Variants in DCLRE1A observed in about 807,000 individuals in gnomAD.
DCLRE1A encodes DNA cross-link repair 1A.
Under a neutral mutation model 91.9 loss-of-function variants are expected in DCLRE1A, and 64 were observed. The ratio of observed to expected loss-of-function variants is 0.70; its 90% confidence interval spans 0.57 to 0.86. DCLRE1A has a LOEUF of 0.86. DCLRE1A is among the 40% of genes least tolerant of loss of function. The pLI is 0.00. For missense variants in DCLRE1A, 1,145 were observed against 1,213.3 expected (o/e 0.94, Z 0.84); for synonymous variants, 416 against 431.1 (o/e 0.96, Z 0.43).
chr10:113,842,540 C>A, intron 5 of DCLRE1A, 52 bp from the exon 6 acceptor site: 1 of 1,538,574 alleles, frequency 6.5e-7, no homozygotes. Context: ...AAAGCCATCA[C>A]CTTAAGCTGG....
chr10:113,852,975 C>A lies in DCLRE1A; in HGVS notation c.208G>T (p.Ala70Ser). The change falls in exon 1 of 9, where the codon GCA becomes TCA. Residue 70 changes from alanine to serine, a missense_variant. Ala to Ser is a moderately conservative substitution (Grantham distance 99). Coordinates refer to ENST00000361384, the MANE Select transcript of DCLRE1A (RefSeq NM_014881.5). ...VKDHEVPLGNAGCQTSVASSQ... is the reference protein window; with the variant it reads ...VKDHEVPLGNSGCQTSVASSQ... ...GAAGCAACAGAAGTCTGACAACCTG[C>A]ATTTCCAAGGGGCACTTCATGGTCC... is the stretch of plus-strand genomic sequence containing the variant. 6.2e-7 allele frequency: 1 copy of A among 1,614,218 alleles called. No homozygotes were observed. The highest frequency in any genetic ancestry group is 2.2e-5 in the East Asian group (1 of 44,884).
Position 113,849,427 on chromosome 10 carries a change from C to A in DCLRE1A, c.1678G>T (p.Gly560Cys). 6.2e-7 allele frequency: 1 copy of A among 1,614,096 alleles called. No homozygotes were observed. Among genetic ancestry groups the A allele is most frequent in the African/African-American group, 1.3e-5 (1 of 75,046 alleles). Residue 560 changes from glycine (G) to cysteine (C), a missense_variant, in exon 2 of 9, where the codon GGT (glycine) becomes TGT (cysteine). Physicochemically the swap from Gly to Cys is radical, Grantham distance 159 (BLOSUM62 -3). Transcript: ENST00000361384. The stretch of plus-strand genomic sequence containing the variant: ...TTGGGAGGTAGTCCAAAATACACAC[C>A]TATATCCATTTGCTTCATTACCTTG... ...STKVMKQMDIGVYFGLPPKRK... is the reference protein window; with the variant it reads ...STKVMKQMDICVYFGLPPKRK...
At position 113,853,006 on chromosome 10, in the gene DCLRE1A, C is replaced by G. The variant is rs17228665; in HGVS notation, c.177G>C (p.Glu59Asp). 5.5e-4 allele frequency: 892 copies of G among 1,614,062 alleles called. 1 individual carries two copies. In the African/African-American group the frequency reaches 7.8e-3, roughly 14 times the overall value. The change falls in exon 1 of 9, where the codon GAG becomes GAC. Residue 59 changes from glutamate (E) to aspartate (D), a missense_variant. Physicochemically the swap from Glu to Asp is conservative, Grantham distance 45. Coordinates refer to ENST00000361384, the MANE Select transcript of DCLRE1A (RefSeq NM_014881.5). ...RNRKRAAEAKEVKDHEVPLGN... is the reference protein window; with the variant it reads ...RNRKRAAEAKDVKDHEVPLGN... ...CAAGGGGCACTTCATGGTCCTTCACCTCTTTAGCTTCTGCGGCTCTTTTTC... is the reference window on the plus strand; with the variant it reads ...CAAGGGGCACTTCATGGTCCTTCACGTCTTTAGCTTCTGCGGCTCTTTTTC...
In DCLRE1A at chr10:113,841,434, A is replaced by G. The variant is rs763485529; in HGVS notation, c.2792T>C (p.Leu931Pro). 1 of 1,613,308 alleles carries G rather than the reference A, an allele frequency of 6.2e-7. No individual in the cohort carries two copies. The highest frequency in any genetic ancestry group is 1.1e-5 in the South Asian group (1 of 90,876). Residue 931 changes from leucine to proline, a missense_variant, in exon 7 of 9, where the codon CTT becomes CCT. Physicochemically the swap from Leu to Pro is moderately conservative, Grantham distance 98. Transcript: ENST00000361384. Reference sequence around the variant, plus strand: ...AAAATTAATTTGCATCATTGGGAGAAGGTGAACCAATGAACTGCACATGTC... The same window carrying G: ...AAAATTAATTTGCATCATTGGGAGAGGGTGAACCAATGAACTGCACATGTC... ...TTDMCSSLVH[L>P]LPMMQINFKG...
intron 6 of DCLRE1A, among the ~76,000 whole-genome samples, chr10:113,841,800 A>C (rs903928923): frequency 5.3e-5 from 8 of 152,200 alleles, no homozygotes; most frequent in African/African-American, 1.9e-4. Flanking sequence ...AAAACTGCAA[A>C]AGTGTATAGA....
intron 5 of DCLRE1A, 88 bp from the exon 6 acceptor site, chr10:113,842,576 G>C (rs980658590): frequency 1.2e-5 from 15 of 1,287,702 alleles, no homozygotes; most frequent in Non-Finnish European, 1.6e-5. Flanking sequence ...ACAAGCGTTA[G>C]CAACTTACAT....
Position 113,850,471 on chromosome 10 carries a change from T to C in DCLRE1A, c.634A>G (p.Arg212Gly). 5 of 1,614,198 alleles carry C rather than the reference T, an allele frequency of 3.1e-6. No individual in the cohort carries two copies. Among genetic ancestry groups the C allele is most frequent in the Middle Eastern group, 3.3e-4 (2 of 6,062 alleles). The change falls in exon 2 of 9, where the codon AGA becomes GGA. Residue 212 changes from arginine to glycine, a missense_variant. Transcript: ENST00000361384. ...GTTTGGTTCTGATACGAAGACCATC[T>C]TTCCTCAAGGCTACAAAGGACGCCT... is the stretch of plus-strand genomic sequence containing the variant. ...KSGVLCSLEE[R>G]WSSYQNQTDN...
chr10:113,843,069 G>C (rs958978642), intron 5 of DCLRE1A, among the ~76,000 whole-genome samples: 1 of 134,366 alleles, frequency 7.4e-6, no homozygotes, highest in East Asian at 2.2e-4. Flanking sequence ...CACACACACA[G>C]ATACATGCAA....
chr10:113,849,522 C>G lies in DCLRE1A; in HGVS notation c.1583G>C (p.Ser528Thr). The G allele has an allele frequency of 6.2e-7, 1 of 1,613,764 alleles. No individual in the cohort carries two copies. The highest frequency in any genetic ancestry group is 2.2e-5 in the East Asian group (1 of 44,878). ...TTTCAAATACTTCGGAGCAGGTGTA[C>G]TAGACAAGTTTTCTGTATTTAAAAT... is the stretch of plus-strand genomic sequence containing the variant. ...ATILNTENLS[S>T]TPAPKYLKIL... is the part of the protein sequence containing the mutation. The change falls in exon 2 of 9, where the codon AGT becomes ACT. Residue 528 changes from serine (S) to threonine (T), a missense_variant. Coordinates refer to ENST00000361384, the MANE Select transcript of DCLRE1A (RefSeq NM_014881.5).
chr10:113,850,528 CA>C lies in DCLRE1A; in HGVS notation c.576del (p.Ala193ArgfsTer38). ...GTCTCACTGAAACTGCCACCTGACGCAGGTGATGGGCTGCTAAAAGGATGAT... is the reference window on the plus strand; with the variant it reads ...GTCTCACTGAAACTGCCACCTGACGCGGTGATGGGCTGCTAAAAGGATGAT... ...AGDHPFSSPS[P>X]ASGGSFSETK... On this transcript the variant is annotated frameshift_variant, in exon 2 of 9. Transcript: ENST00000361384. LOFTEE classifies it high-confidence loss of function. The C allele has an allele frequency of 6.2e-7, 1 of 1,614,102 alleles. No individual in the cohort carries two copies. The highest frequency in any genetic ancestry group is 8.5e-7 in the Non-Finnish European group (1 of 1,180,006).
At chr10:113,848,563 T>C (rs1845580340) in intron 2 of DCLRE1A, among the ~76,000 whole-genome samples, 2 of 152,230 alleles carry the variant, frequency 1.3e-5, no homozygotes, top group South Asian at 4.1e-4. Flanking sequence ...TACTATGATA[T>C]GTAAAACCTG....
Position 113,848,216 on chromosome 10 carries a change from C to T in DCLRE1A, c.2125+764G>A, listed in dbSNP as rs376182756. Among the ~76,000 whole-genome samples the T allele has an allele frequency of 1.4e-4, 22 of 151,850 alleles. No individual in the cohort carries two copies. The East Asian group carries it at 4.1e-3, about 28-fold the overall frequency. On this transcript the variant is annotated intron_variant, in intron 2 of 8. Transcript: ENST00000361384. ...CCTGTAGTCCCAGCTACTTGGGAGG[C>T]TGAGGCAGGAGAATGGCATGAACTC...
In DCLRE1A at chr10:113,852,952, A is replaced by G; in HGVS notation, c.231T>C (p.Ala77=). 6.2e-7 allele frequency: 1 copy of G among 1,614,218 alleles called. No homozygotes were observed. Among genetic ancestry groups the G allele is most frequent in the Admixed American group, 1.7e-5 (1 of 60,026 alleles). ...LGNAGCQTSV[A]SSQNSSCGDG... is the part of the protein sequence containing the mutation. ...CTCCACAACTTGAATTCTGACTAGA[A>G]GCAACAGAAGTCTGACAACCTGCAT... Residue 77 remains alanine, a synonymous_variant, in exon 1 of 9, where the codon GCT becomes GCC. Coordinates refer to ENST00000361384, the MANE Select transcript of DCLRE1A (RefSeq NM_014881.5).
intron 1 of DCLRE1A, among the ~76,000 whole-genome samples, chr10:113,851,956 C>G (rs1213786789): frequency 6.6e-6 from 1 of 152,192 alleles, no homozygotes. Context: ...AAGTGATCCG[C>G]CTGCCTCCAC....
At position 113,850,643 on chromosome 10, in the gene DCLRE1A, C is replaced by G; in HGVS notation, c.462G>C (p.Glu154Asp). The G allele has an allele frequency of 6.4e-7, 1 of 1,570,964 alleles. No homozygotes were observed. The highest frequency in any genetic ancestry group is 8.6e-7 in the Non-Finnish European group (1 of 1,158,874). ...AGGTACACAGAAGACCATCAGGACA[C>G]TCTGAAATTTTAATAAAGAAAAAAT... ...CLDSPPRSET[E>D]CPDGLLCTST... Residue 154 changes from glutamate (E) to aspartate (D), a missense_variant and splice_region_variant, in exon 2 of 9, where the codon GAG (glutamate) becomes GAC (aspartate). Glu to Asp is a conservative substitution (Grantham distance 45). Transcript: ENST00000361384.
At chr10:113,852,339 AAAAT>A (rs1845665353) in intron 1 of DCLRE1A, among the ~76,000 whole-genome samples, 1 of 152,236 alleles carries the variant, frequency 6.6e-6, no homozygotes, top group Non-Finnish European at 1.5e-5. Context: ...CCGTCTCAAA[AAAAT>A]AAATAACCAA....
chr10:113,837,083 T>C lies in DCLRE1A; in HGVS notation c.2941A>G (p.Lys981Glu), dbSNP rs1845373122. Residue 981 changes from lysine (K) to glutamate (E), a missense_variant, in exon 8 of 9, where the codon AAA (lysine) becomes GAA (glutamate). Physicochemically the swap from Lys to Glu is moderately conservative, Grantham distance 56. Coordinates refer to ENST00000361384, the MANE Select transcript of DCLRE1A (RefSeq NM_014881.5). The stretch of plus-strand genomic sequence containing the variant: ...ATACCATATATTGAAATGTTTCCTT[T>C]GGTCTGGGGAATAACATCTGCTATT... ...TRIADVIPQTKGNISIYGIPY... is the reference protein window; with the variant it reads ...TRIADVIPQTEGNISIYGIPY... The C allele has an allele frequency of 6.2e-7, 1 of 1,608,098 alleles. No homozygotes were observed. The highest frequency in any genetic ancestry group is 1.1e-5 in the South Asian group (1 of 89,640).
chr10:113,845,407 T>A (rs1018427200), intron 4 of DCLRE1A, among the ~76,000 whole-genome samples: 1 of 152,160 alleles, frequency 6.6e-6, no homozygotes, highest in Non-Finnish European at 1.5e-5. Context: ...AGCAACAACA[T>A]GTTAAAGTAT....
At chr10:113,843,227 T>C (rs1458497975) in intron 5 of DCLRE1A, among the ~76,000 whole-genome samples, 1 of 152,188 alleles carries the variant, frequency 6.6e-6, no homozygotes, top group African/African-American at 2.4e-5. Flanking sequence ...AACATATTTT[T>C]CCCAATTTTC....
Sources: gnomAD v4.1 joint callset for allele counts (sites outside exome capture counted in the v4.1 genomes callset) on GRCh38, gnomAD v4.1.1 for gene constraint, MANE v1.5 for transcripts, NCBI Gene and HGNC (gene_info 2026-07-23, HGNC 2026-07-21) for gene names.